Variants in ARFGEF3 observed in about 807,000 individuals in gnomAD.
ARFGEF3 encodes ARFGEF family member 3, also known as brefeldin A-inhibited guanine nucleotide-exchange protein 3.
A neutral mutation model predicts 221.7 loss-of-function variants in ARFGEF3; 96 were observed. The ratio of observed to expected loss-of-function variants is 0.43; its 90% CI spans 0.37 to 0.51. The LOEUF (loss-of-function observed/expected upper bound fraction) is 0.51, where lower values mean the gene tolerates loss of function less well. Ranked by LOEUF, ARFGEF3 falls within the 20% of genes least tolerant of loss-of-function variation. ARFGEF3 has a pLI of 0.00. For missense variants in ARFGEF3, 2,410 were observed against 2,789.9 expected, an observed-to-expected ratio of 0.86 and a Z score of 3.07; for synonymous variants, 1,145 against 1,126.8, an observed-to-expected ratio of 1.02 and a Z score of -0.32.
At chr6:138,210,328 C>T (rs551541102) in intron 4 of ARFGEF3, among the ~76,000 whole-genome samples, 6 of 152,072 alleles carry the variant, frequency 3.9e-5, no homozygotes, top group East Asian at 1.9e-4. Context: ...GTAGTTCCAG[C>T]GTGGGGTAGA....
At chr6:138,203,208 C>G (rs992357385) in intron 2 of ARFGEF3, among the ~76,000 whole-genome samples, 1 of 152,038 alleles carries the variant, frequency 6.6e-6, no homozygotes, top group African/African-American at 2.4e-5. Context: ...AGAAGCACAT[C>G]TATTCTAGTT....
intron 26 of ARFGEF3, 141 bp from the exon 27 acceptor site, chr6:138,317,110 C>A (rs1285362744): frequency 7.9e-6 from 6 of 757,160 alleles, no homozygotes; most frequent in Non-Finnish European, 1.0e-5. Flanking sequence ...ATGTCTATGG[C>A]CACTGAAGGC....
Position 138,262,731 on chromosome 6 carries a change from C to T in ARFGEF3, c.1248C>T (p.Ile416=), listed in dbSNP as rs34628698. ...TGGATGGCATGACCGAAGCATGCAT[C>T]AAGGGTGGCATCGAAGCTTGCTATG... The part of the protein sequence containing the change: ...LIMDGMTEAC[I]KGGIEACYAA... Residue 416 remains isoleucine (I), a synonymous_variant, in exon 12 of 34, where the codon ATC becomes ATT. Coordinates refer to ENST00000251691, the MANE Select transcript of ARFGEF3 (RefSeq NM_020340.5). 7,616 of 1,609,068 alleles carry T rather than the reference C, an allele frequency of 4.7e-3. 341 individuals carry two copies. The African/African-American group carries it at 0.091, about 19-fold the overall frequency.
chr6:138,257,376 TC>T (rs1222965666), intron 10 of ARFGEF3, among the ~76,000 whole-genome samples: 1 of 152,106 alleles, frequency 6.6e-6, no homozygotes, highest in Non-Finnish European at 1.5e-5. Flanking sequence ...CAGCTCCTTA[TC>T]CTAAATTCAC....
At chr6:138,330,405 G>A (rs1300728308) in intron 32 of ARFGEF3, among the ~76,000 whole-genome samples, 1 of 152,200 alleles carries the variant, frequency 6.6e-6, no homozygotes, top group Admixed American at 6.5e-5. Flanking sequence ...TAGAACTATA[G>A]GAATCCAATT....
In ARFGEF3 at chr6:138,299,227, G is replaced by T. The variant is rs1387336688; in HGVS notation, c.3828+442G>T. On this transcript the variant is annotated intron_variant, in intron 22 of 33. Transcript: ENST00000251691. The stretch of plus-strand genomic sequence containing the variant: ...AAAAAAAAAAAAAAAAAAAAAAACA[G>T]AAAAGTTAAGCAATTTGACTAGACA... 9.7e-5 allele frequency among the ~76,000 whole-genome samples: 9 copies of T among 92,858 alleles called. No individual in the cohort carries two copies. In the South Asian group the frequency reaches 3.4e-3, roughly 35 times the overall value. The allele number at this position is 92,858 out of a possible 152,430, so 60.9% of individuals were successfully genotyped here.
chr6:138,290,696 A>T (rs1779387614), intron 18 of ARFGEF3, among the ~76,000 whole-genome samples: 1 of 152,146 alleles, frequency 6.6e-6, no homozygotes, highest in South Asian at 2.1e-4. Context: ...GGCTGGCCAC[A>T]CTGTTCCTTC....
At chr6:138,335,916 G>A (rs954560317) in intron 33 of ARFGEF3, among the ~76,000 whole-genome samples, 4 of 152,056 alleles carry the variant, frequency 2.6e-5, no homozygotes, top group Non-Finnish European at 4.4e-5. Context: ...CATTCTTCAG[G>A]GAGGCTTTGA....
chr6:138,181,560 T>C (rs140270879), intron 2 of ARFGEF3, among the ~76,000 whole-genome samples: 2,037 of 152,256 alleles, frequency 0.013, 32 homozygotes, highest in Middle Eastern at 0.058. Flanking sequence ...TCTCCTGCCT[T>C]GGCCTCCAGA....
At chr6:138,258,079 C>T (rs907507134) in intron 10 of ARFGEF3, among the ~76,000 whole-genome samples, 2 of 152,136 alleles carry the variant, frequency 1.3e-5, no homozygotes, top group Admixed American at 6.5e-5. Flanking sequence ...TCCCATTGCC[C>T]AGGGCTCTCT....
At chr6:138,186,143 T>C (rs959064456) in intron 2 of ARFGEF3, among the ~76,000 whole-genome samples, 1 of 152,220 alleles carries the variant, frequency 6.6e-6, no homozygotes, top group Non-Finnish European at 1.5e-5. Context: ...GTTGTTCCTA[T>C]TGATTGCAGC....
chr6:138,319,859 T>TTCAA lies in ARFGEF3; in HGVS notation c.4632_4635dup (p.Phe1547LysfsTer22). ...TCCTGTGAGCTGGTGGTGGAGCACATTCAAAGCTTTCTACATTCAGGTATC... is the reference window on the plus strand; with the variant it reads ...TCCTGTGAGCTGGTGGTGGAGCACATTCAATCAAAGCTTTCTACATTCAGGTATC... On this transcript the variant is annotated frameshift_variant, in exon 28 of 34. Coordinates refer to ENST00000251691, the MANE Select transcript of ARFGEF3 (RefSeq NM_020340.5). LOFTEE classifies it high-confidence loss of function. The TTCAA allele has an allele frequency of 6.2e-7, 1 of 1,613,946 alleles. No homozygotes were observed. Among genetic ancestry groups the TTCAA allele is most frequent in the Non-Finnish European group, 8.5e-7 (1 of 1,179,872 alleles).
chr6:138,255,789 C>A lies in ARFGEF3; in HGVS notation c.1104+20C>A, dbSNP rs773721398. On this transcript the variant is annotated intron_variant, in intron 10 of 33. Coordinates refer to ENST00000251691, the MANE Select transcript of ARFGEF3 (RefSeq NM_020340.5). ...AAAGAGGTGAGGAGGCACTGGAGATCGCCACCAGGTTTACAAGGGGGCCTG... is the reference window on the plus strand; with the variant it reads ...AAAGAGGTGAGGAGGCACTGGAGATAGCCACCAGGTTTACAAGGGGGCCTG... 3 of 1,493,656 alleles carry A rather than the reference C, an allele frequency of 2.0e-6. No individual in the cohort carries two copies. Among genetic ancestry groups the A allele is most frequent in the Non-Finnish European group, 2.7e-6 (3 of 1,114,970 alleles). The allele number at this position is 1,493,656 out of a possible 1,614,324, so 92.5% of individuals were successfully genotyped here. A position where few individuals can be genotyped will look rare whatever the true frequency, so the allele number is the denominator to read the frequency against.
intron 2 of ARFGEF3, among the ~76,000 whole-genome samples, chr6:138,194,268 CAAAAA>C (rs11349885): frequency 1.1e-5 from 1 of 92,974 alleles, no homozygotes; most frequent in African/African-American, 4.0e-5. Flanking sequence ...ACTCCGTCTC[CAAAAA>C]AAAAAAAAAA....
At chr6:138,304,861 A>G (rs1779692094) in intron 22 of ARFGEF3, among the ~76,000 whole-genome samples, 1 of 152,148 alleles carries the variant, frequency 6.6e-6, no homozygotes, top group Admixed American at 6.5e-5. Flanking sequence ...AGTATTTGTC[A>G]CCTTTATTTT....
chr6:138,233,394 G>T (rs1003940469), intron 5 of ARFGEF3, among the ~76,000 whole-genome samples: 3 of 151,884 alleles, frequency 2.0e-5, no homozygotes, highest in Non-Finnish European at 4.4e-5. Context: ...GGGGGTGGGG[G>T]GAGATGGAGT....
chr6:138,182,950 G>T (rs562211746), intron 2 of ARFGEF3, among the ~76,000 whole-genome samples: 97 of 151,986 alleles, frequency 6.4e-4, no homozygotes, highest in African/African-American at 1.7e-3. Flanking sequence ...AAAATAATGG[G>T]TTTTTTTTCC....
At chr6:138,214,616 C>T (rs1777800497) in intron 4 of ARFGEF3, among the ~76,000 whole-genome samples, 1 of 152,142 alleles carries the variant, frequency 6.6e-6, no homozygotes, top group African/African-American at 2.4e-5. Flanking sequence ...AAGATTGAAC[C>T]ATGTCACACT....
intron 2 of ARFGEF3, among the ~76,000 whole-genome samples, chr6:138,200,770 G>A (rs1777519719): frequency 6.6e-6 from 1 of 152,118 alleles, no homozygotes; most frequent in African/African-American, 2.4e-5. Context: ...CTTAGGCAAG[G>A]ATTTCATGAC....
Sources: allele counts gnomAD v4.1 joint callset (sites outside exome capture counted in the v4.1 genomes callset), GRCh38; gene constraint gnomAD v4.1.1; transcripts MANE v1.5; gene names NCBI Gene and HGNC (gene_info 2026-07-23, HGNC 2026-07-21).